GLMN: variants seen among roughly 807,000 people sequenced by gnomAD.
The protein encoded by GLMN is glomulin.
A neutral mutation model predicts 87.8 loss-of-function variants in GLMN; 75 were observed. That is an observed-to-expected ratio of 0.85 (90% CI 0.71 to 1.04). The LOEUF (loss-of-function observed/expected upper bound fraction) is 1.04, where lower values mean the gene tolerates loss of function less well. Among genes scored for constraint, GLMN ranks in the 50% least tolerant of loss-of-function variants. The pLI is 0.00. For missense variants in GLMN, 588 were observed against 658.8 expected (o/e 0.89, Z 1.18); for synonymous variants, 206 against 221.6 (o/e 0.93, Z 0.63).
At chr1:92,353,431 T>G in the GLMN span, among the ~76,000 whole-genome samples, 1 of 152,214 alleles carries the variant, frequency 6.6e-6, no homozygotes, top group African/African-American at 2.4e-5. Flanking sequence ...CTAATCTCAT[T>G]GATTTTAGGT....
At chr1:92,350,370 C>CT in the GLMN span, among the ~76,000 whole-genome samples, 206 of 152,224 alleles carry the variant, frequency 1.4e-3, no homozygotes, top group African/African-American at 4.6e-3. Flanking sequence ...AATTGATTGA[C>CT]TTTTTTTAGA....
chr1:92,272,501 A>AT (rs1391647153), intron 7 of GLMN, among the ~76,000 whole-genome samples: 4 of 152,182 alleles, frequency 2.6e-5, no homozygotes, highest in East Asian at 1.9e-4. Context: ...TTTCACCACA[A>AT]TTTTTTTTAA....
the GLMN span, among the ~76,000 whole-genome samples, chr1:92,313,543 A>G: frequency 6.6e-6 from 1 of 150,986 alleles, no homozygotes; most frequent in South Asian, 2.1e-4. Flanking sequence ...TTGCTGTTCC[A>G]TTTATGGAAC....
At chr1:92,255,089 A>C (rs912595312) in intron 16 of GLMN, among the ~76,000 whole-genome samples, 17 of 152,144 alleles carry the variant, frequency 1.1e-4, no homozygotes, top group African/African-American at 4.1e-4. Context: ...GAAAGAAAAA[A>C]AAAAAGCAGA....
At chr1:92,284,965 CAG>C (rs1408391795) in intron 7 of GLMN, among the ~76,000 whole-genome samples, 1 of 152,176 alleles carries the variant, frequency 6.6e-6, no homozygotes, top group Non-Finnish European at 1.5e-5. Flanking sequence ...CAGGAAACAA[CAG>C]ATGCTGGAGA....
intron 16 of GLMN, among the ~76,000 whole-genome samples, chr1:92,253,668 A>G (rs1271941895): frequency 1.3e-5 from 2 of 152,220 alleles, no homozygotes; most frequent in African/African-American, 2.4e-5. Context: ...GCAGACCTGC[A>G]GAAGAGGGGC....
intron 16 of GLMN, among the ~76,000 whole-genome samples, chr1:92,250,986 G>A (rs1653406158): frequency 6.6e-6 from 1 of 152,110 alleles, no homozygotes; most frequent in Admixed American, 6.6e-5. Flanking sequence ...TTTGTAGTCA[G>A]TTTCCTCCCA....
chr1:92,357,424 A>AG, the GLMN span, among the ~76,000 whole-genome samples: 1 of 152,264 alleles, frequency 6.6e-6, no homozygotes, highest in East Asian at 1.9e-4. Flanking sequence ...AAAGACAGAA[A>AG]GGATTTCAAG....
In GLMN at chr1:92,298,969, C is replaced by T. The variant is rs1219725086; in HGVS notation, c.-75G>A. On this transcript the variant is annotated 5_prime_UTR_variant, in exon 1 of 19. Coordinates refer to ENST00000370360, the MANE Select transcript of GLMN (RefSeq NM_053274.3). ...TCCCAGCCGCCGCCACCTCCTCCGGCGTCTTAGCCCGCTCTTCTGGCCCCG... is the reference window on the plus strand; with the variant it reads ...TCCCAGCCGCCGCCACCTCCTCCGGTGTCTTAGCCCGCTCTTCTGGCCCCG... The T allele has an allele frequency of 2.0e-6, 1 of 512,552 alleles. No individual in the cohort carries two copies. The highest frequency in any genetic ancestry group is 3.4e-6 in the Non-Finnish European group (1 of 290,158). 31.8% of individuals were successfully genotyped at this position (512,552 alleles called of 1,614,324 possible).
the GLMN span, among the ~76,000 whole-genome samples, chr1:92,366,145 C>T: frequency 6.6e-6 from 1 of 152,100 alleles, no homozygotes; most frequent in Non-Finnish European, 1.5e-5. Context: ...TTTAAAGTAT[C>T]TGAATGTTTT....
rs962328437 is a variant in GLMN, at chr1:92,258,077, C to A, written c.1473+4786G>T. ...TAAACAAATTTATAAGAAAAAAAAA[C>A]CCATCAAAAAGTGGGCAAAGGATAT... is the stretch of plus-strand genomic sequence containing the variant. On this transcript the variant is annotated intron_variant, in intron 16 of 18. Transcript: ENST00000370360. 2.4e-4 allele frequency among the ~76,000 whole-genome samples: 36 copies of A among 151,164 alleles called. 1 individual carries two copies. The highest frequency in any genetic ancestry group is 2.0e-4 in the Admixed American group (3 of 15,190).
At chr1:92,360,499 G>T in the GLMN span, among the ~76,000 whole-genome samples, 4 of 152,172 alleles carry the variant, frequency 2.6e-5, no homozygotes, top group Admixed American at 6.5e-5. Flanking sequence ...AGATTCTCAG[G>T]ATAGTGGAAG....
intron 7 of GLMN, among the ~76,000 whole-genome samples, chr1:92,280,570 T>A (rs1012006172): frequency 2.6e-4 from 40 of 152,280 alleles, no homozygotes; most frequent in Middle Eastern, 3.4e-3. Flanking sequence ...TTTCAAAGGA[T>A]CACAGCTCCT....
chr1:92,336,413 T>C, the GLMN span: 1 of 1,604,090 alleles, frequency 6.2e-7, no homozygotes, highest in Non-Finnish European at 8.5e-7. Flanking sequence ...TTAAAAATCT[T>C]GTTCGAACTT....
upstream of GLMN, chr1:92,301,559 A>C (rs1442219303): frequency 1.9e-6 from 3 of 1,546,852 alleles, no homozygotes; most frequent in Non-Finnish European, 2.6e-6. Context: ...CTTTTAGAGG[A>C]GAATATTACA....
chr1:92,344,255 A>C, the GLMN span, among the ~76,000 whole-genome samples: 1 of 152,246 alleles, frequency 6.6e-6, no homozygotes, highest in East Asian at 1.9e-4. Context: ...ACAAAAATAC[A>C]AAAATTAGGC....
the GLMN span, among the ~76,000 whole-genome samples, chr1:92,349,089 T>C: frequency 4.3e-4 from 65 of 152,228 alleles, no homozygotes; most frequent in Admixed American, 1.3e-4. Context: ...GTATGTCTTT[T>C]TTAAAAATAA....
chr1:92,313,656 A>G, the GLMN span, among the ~76,000 whole-genome samples: 1 of 152,194 alleles, frequency 6.6e-6, no homozygotes, highest in Non-Finnish European at 1.5e-5. Context: ...GTTAGCCCCT[A>G]ACAAGAGAGT....
intron 3 of GLMN, among the ~76,000 whole-genome samples, chr1:92,295,101 A>G (rs560312439): frequency 2.6e-5 from 4 of 152,246 alleles, no homozygotes; most frequent in African/African-American, 2.4e-5. Context: ...CTATCCCATT[A>G]GCTATTCAGA....
Sources: gnomAD v4.1 joint callset for allele counts (sites outside exome capture counted in the v4.1 genomes callset) on GRCh38, gnomAD v4.1.1 for gene constraint, MANE v1.5 for transcripts, NCBI Gene and HGNC (gene_info 2026-07-23, HGNC 2026-07-21) for gene names.